LRP5: variants seen among roughly 807,000 people sequenced by gnomAD.
LRP5 encodes low-density lipoprotein receptor-related protein 5.
A neutral mutation model predicts 154.1 loss-of-function variants in LRP5; 62 were observed. That is an observed-to-expected ratio of 0.40 (90% CI 0.33 to 0.50). The LOEUF (loss-of-function observed/expected upper bound fraction) is 0.50. LRP5 is among the 20% of genes least tolerant of loss of function. The pLI, the probability that LRP5 is intolerant of heterozygous loss-of-function variation, is 0.55. For missense variants in LRP5, 1,915 were observed against 2,336.7 expected (o/e 0.82, Z 3.72); for synonymous variants, 966 against 1,011.5 (o/e 0.96, Z 0.85).
chr11:68,341,766 A>C (rs2098609281), intron 1 of LRP5, among the ~76,000 whole-genome samples: 1 of 145,530 alleles, frequency 6.9e-6, no homozygotes, highest in African/African-American at 2.6e-5. Context: ...CCCCCGACCC[A>C]CTTCTCATGT....
At chr11:68,382,244 G>A (rs17149042) in intron 5 of LRP5, among the ~76,000 whole-genome samples, 7,013 of 152,280 alleles carry the variant, frequency 0.046, 542 homozygotes, top group African/African-American at 0.16. Context: ...GCCGAGAATA[G>A]GTTCCTCATG....
chr11:68,300,922 T>C, the LRP5 span, among the ~76,000 whole-genome samples: 1 of 134,604 alleles, frequency 7.4e-6, no homozygotes, highest in Non-Finnish European at 1.7e-5. Context: ...AATTCATTAA[T>C]TTATTTTTTT....
chr11:68,361,785 G>A (rs919576631), intron 3 of LRP5, among the ~76,000 whole-genome samples: 15 of 152,156 alleles, frequency 9.9e-5, no homozygotes, highest in African/African-American at 2.7e-4. Context: ...TCACACCACC[G>A]CACTCCAGCC....
intron 7 of LRP5, among the ~76,000 whole-genome samples, chr11:68,399,859 G>A (rs1488364955): frequency 6.6e-6 from 1 of 152,252 alleles, no homozygotes; most frequent in Admixed American, 6.5e-5. Flanking sequence ...GCCACTTTGG[G>A]ATTCCTTCCT....
At chr11:68,410,211 C>A in intron 10 of LRP5, 71 bp downstream of exon 10, 1 of 1,282,788 alleles carries the variant, frequency 7.8e-7, no homozygotes, top group African/African-American at 1.5e-5. Context: ...GCCAACTGGG[C>A]AAGGTGGCAG....
Position 68,396,633 on chromosome 11 carries a change from G to A in LRP5, c.1584+6581G>A, listed in dbSNP as rs536367111. The stretch of plus-strand genomic sequence containing the variant: ...ATTTACAGAGTGGAGCGGAGACGGC[G>A]GATGGGTCTGGGAGGCCCCTCCTGC... On this transcript the variant is annotated intron_variant, in intron 7 of 22. Transcript: ENST00000294304. Among the ~76,000 whole-genome samples, 119 of 152,314 alleles carry A rather than the reference G, an allele frequency of 7.8e-4. 1 individual carries two copies. The highest frequency in any genetic ancestry group is 2.7e-3 in the African/African-American group (111 of 41,560).
chr11:68,326,502 C>T (rs1397776356), intron 1 of LRP5, among the ~76,000 whole-genome samples: 1 of 152,262 alleles, frequency 6.6e-6, no homozygotes, highest in Admixed American at 6.5e-5. Flanking sequence ...CCTGCCCACC[C>T]GTCTTCCCTC....
intron 1 of LRP5, among the ~76,000 whole-genome samples, chr11:68,331,042 G>A (rs1006713118): frequency 6.6e-5 from 10 of 152,248 alleles, no homozygotes; most frequent in Non-Finnish European, 1.2e-4. Context: ...CTGTGATCAG[G>A]CGCAGTTGGG....
chr11:68,417,054 T>G (rs573711465), intron 13 of LRP5, among the ~76,000 whole-genome samples: 42 of 152,302 alleles, frequency 2.8e-4, no homozygotes, highest in African/African-American at 1.0e-3. Context: ...TTTTGCACAT[T>G]AAATGGTTAG....
chr11:68,419,956 T>C (rs2098664634), intron 13 of LRP5, among the ~76,000 whole-genome samples: 1 of 151,748 alleles, frequency 6.6e-6, no homozygotes, highest in African/African-American at 2.4e-5. Flanking sequence ...CCTCCACACC[T>C]GGCTAACTGT....
At chr11:68,438,066 C>T (rs1477647514) in intron 19 of LRP5, among the ~76,000 whole-genome samples, 2 of 152,170 alleles carry the variant, frequency 1.3e-5, no homozygotes, top group African/African-American at 4.8e-5. Context: ...GGCTGGTGGG[C>T]GGCACCAGGG....
At chr11:68,307,777 C>G (rs1278493829), upstream of LRP5, among the ~76,000 whole-genome samples, 3 of 152,100 alleles carry the variant, frequency 2.0e-5, no homozygotes, top group South Asian at 2.1e-4. Flanking sequence ...GTAATCACAC[C>G]ACTGCACTCC....
intron 5 of LRP5, 96 bp downstream of exon 5, chr11:68,365,798 A>T: frequency 7.9e-7 from 1 of 1,267,368 alleles, no homozygotes. Flanking sequence ...AACCTCGGCA[A>T]ACCCGTTCGA....
At chr11:68,308,461 T>C (rs77044324), upstream of LRP5, among the ~76,000 whole-genome samples, 3 of 152,144 alleles carry the variant, frequency 2.0e-5, no homozygotes, top group Admixed American at 1.3e-4. Context: ...GAACTGAGAG[T>C]GAACATTTCC....
chr11:68,360,455 T>C (rs1171648075), intron 3 of LRP5, among the ~76,000 whole-genome samples: 2 of 152,230 alleles, frequency 1.3e-5, no homozygotes, highest in East Asian at 3.9e-4. Context: ...TCCCACCTGC[T>C]TCCCCGCGGG....
chr11:68,328,427 A>G (rs1415688207), intron 1 of LRP5, among the ~76,000 whole-genome samples: 3 of 152,238 alleles, frequency 2.0e-5, no homozygotes, highest in Non-Finnish European at 2.9e-5. Context: ...TGCCAGTTCT[A>G]AAATGCGTTC....
the LRP5 span, among the ~76,000 whole-genome samples, chr11:68,307,133 G>A: frequency 1.3e-5 from 2 of 151,984 alleles, no homozygotes; most frequent in Non-Finnish European, 2.9e-5. Flanking sequence ...AGTGAGCCAA[G>A]ATCTTGCCAT....
At chr11:68,377,043 A>T (rs1440765958) in intron 5 of LRP5, among the ~76,000 whole-genome samples, 1 of 151,786 alleles carries the variant, frequency 6.6e-6, no homozygotes, top group Non-Finnish European at 1.5e-5. Context: ...CACTTTAGGA[A>T]CTCCTCACCT....
chr11:68,444,873 C>T (rs958445284), intron 21 of LRP5, among the ~76,000 whole-genome samples: 1 of 152,070 alleles, frequency 6.6e-6, no homozygotes, highest in African/African-American at 2.4e-5. Flanking sequence ...CCAGTGCCCC[C>T]AGTCTCATGC....
Sources: gnomAD v4.1 joint callset for allele counts (sites outside exome capture counted in the v4.1 genomes callset) on GRCh38, gnomAD v4.1.1 for gene constraint, MANE v1.5 for transcripts, NCBI Gene and HGNC (gene_info 2026-07-23, HGNC 2026-07-21) for gene names.